The following RPS6KC1 variants were observed in gnomAD, a reference collection of about 807,000 sequenced individuals.
The protein encoded by RPS6KC1 is inactive ribosomal protein S6 kinase delta-1.
RPS6KC1 carries 54 observed loss-of-function variants against 103.8 expected under a neutral mutation model. The observed-to-expected ratio is 0.52, with a 90% CI of 0.42 to 0.65. RPS6KC1 has a LOEUF of 0.65. Among genes scored for constraint, RPS6KC1 ranks in the 30% least tolerant of loss-of-function variants. RPS6KC1 has a pLI of 0.00. For missense variants in RPS6KC1, 1,151 were observed against 1,253.8 expected (o/e 0.92, Z 1.24); for synonymous variants, 439 against 438.7 (o/e 1.00, Z -0.01).
the RPS6KC1 span, among the ~76,000 whole-genome samples, chr1:213,620,413 C>T: frequency 1.8e-4 from 27 of 152,320 alleles, no homozygotes; most frequent in African/African-American, 5.8e-4. Flanking sequence ...CTCACTGCCT[C>T]TCCATGTGGC....
the RPS6KC1 span, among the ~76,000 whole-genome samples, chr1:213,692,549 C>T: frequency 6.6e-6 from 1 of 152,142 alleles, no homozygotes; most frequent in African/African-American, 2.4e-5. Flanking sequence ...TACTTCTCCC[C>T]TGATTCTTCC....
downstream of RPS6KC1, among the ~76,000 whole-genome samples, chr1:213,278,863 A>G (rs2095117604): frequency 6.6e-6 from 1 of 152,004 alleles, no homozygotes; most frequent in South Asian, 2.1e-4. Context: ...AAGTGTAGAT[A>G]GGATTTTTAA....
intron 12 of RPS6KC1, among the ~76,000 whole-genome samples, chr1:213,257,074 C>G (rs903572875): frequency 1.3e-5 from 2 of 152,142 alleles, no homozygotes; most frequent in Admixed American, 1.3e-4. Context: ...AATACTCCAT[C>G]CCCTCCCCAC....
chr1:213,148,322 A>G (rs2088136677), intron 6 of RPS6KC1, among the ~76,000 whole-genome samples: 1 of 152,142 alleles, frequency 6.6e-6, no homozygotes, highest in Admixed American at 6.5e-5. Flanking sequence ...TCTGTCATAT[A>G]TGGCTTTTAT....
At position 213,136,390 on chromosome 1, in the gene RPS6KC1, T is replaced by A. The variant is rs141147011; in HGVS notation, c.835+6501T>A. 7.9e-5 allele frequency among the ~76,000 whole-genome samples: 12 copies of A among 152,232 alleles called. No homozygotes were observed. In the East Asian group the frequency reaches 2.3e-3, roughly 29 times the overall value. ...GTGGACAGAGCTATCCCTGATGCAC[T>A]GCATGAACTGAACGGCATAACCATG... On this transcript the variant is annotated intron_variant, in intron 6 of 14. Coordinates refer to ENST00000366960, the MANE Select transcript of RPS6KC1 (RefSeq NM_012424.6).
intron 3 of RPS6KC1, among the ~76,000 whole-genome samples, chr1:213,103,491 A>T (rs1257190517): frequency 6.6e-6 from 1 of 152,188 alleles, no homozygotes; most frequent in Non-Finnish European, 1.5e-5. Flanking sequence ...TAGAGGTAGT[A>T]TTTGAATTCA....
chr1:213,090,246 C>G (rs1317725070), intron 3 of RPS6KC1, among the ~76,000 whole-genome samples: 1 of 152,164 alleles, frequency 6.6e-6, no homozygotes, highest in East Asian at 1.9e-4. Context: ...AACCTACAGC[C>G]AGTATTTTTT....
the RPS6KC1 span, among the ~76,000 whole-genome samples, chr1:213,334,981 C>CT: frequency 2.0e-5 from 3 of 152,204 alleles, no homozygotes; most frequent in African/African-American, 7.2e-5. Flanking sequence ...TAAAGCCTCA[C>CT]TTGGAGATAA....
chr1:213,778,488 G>A, the RPS6KC1 span, among the ~76,000 whole-genome samples: 1 of 152,038 alleles, frequency 6.6e-6, no homozygotes, highest in Non-Finnish European at 1.5e-5. Context: ...TCTAAAAATT[G>A]GATTGAATCA....
the RPS6KC1 span, among the ~76,000 whole-genome samples, chr1:213,351,137 C>T: frequency 3.9e-5 from 6 of 152,140 alleles, no homozygotes; most frequent in Admixed American, 6.6e-5. Flanking sequence ...CCAAAATCCT[C>T]GTGGGCATTT....
At chr1:213,147,589 G>A (rs938590436) in intron 6 of RPS6KC1, among the ~76,000 whole-genome samples, 1 of 152,086 alleles carries the variant, frequency 6.6e-6, no homozygotes, top group Non-Finnish European at 1.5e-5. Flanking sequence ...TGCTGTTTTG[G>A]TTACAATGGC....
the RPS6KC1 span, chr1:213,818,438 G>A: frequency 1.3e-5 from 2 of 152,256 alleles, no homozygotes; most frequent in African/African-American, 4.8e-5. Flanking sequence ...GAAAGTGTTA[G>A]CGGTCTGGAT....
the RPS6KC1 span, among the ~76,000 whole-genome samples, chr1:213,397,547 G>T: frequency 2.0e-5 from 3 of 150,370 alleles, no homozygotes; most frequent in Non-Finnish European, 4.4e-5. Context: ...GGAATCTGGG[G>T]TGTGAGGGGT....
the RPS6KC1 span, among the ~76,000 whole-genome samples, chr1:213,829,646 T>C: frequency 1.5e-4 from 23 of 152,182 alleles, no homozygotes; most frequent in Non-Finnish European, 2.2e-4. Context: ...TGGTTTGTTG[T>C]ATCCAAGTAA....
chr1:213,712,035 A>T, the RPS6KC1 span, among the ~76,000 whole-genome samples: 2 of 152,190 alleles, frequency 1.3e-5, no homozygotes, highest in African/African-American at 4.8e-5. Context: ...AGCAGAGCTC[A>T]AGCGCTGTGC....
the RPS6KC1 span, among the ~76,000 whole-genome samples, chr1:213,838,487 CA>C: frequency 1.5e-4 from 23 of 151,396 alleles, no homozygotes; most frequent in Non-Finnish European, 5.9e-5. Flanking sequence ...GATCATGAGG[CA>C]AAAAGTAAGA....
the RPS6KC1 span, among the ~76,000 whole-genome samples, chr1:213,739,503 T>G: frequency 6.6e-6 from 1 of 152,058 alleles, no homozygotes; most frequent in African/African-American, 2.4e-5. Flanking sequence ...TATCAAAGAA[T>G]TAATACAAGA....
chr1:213,244,713 G>A (rs572178870), intron 12 of RPS6KC1, among the ~76,000 whole-genome samples: 2 of 151,950 alleles, frequency 1.3e-5, no homozygotes, highest in Admixed American at 1.3e-4. Flanking sequence ...AATACAGATC[G>A]GTTTCTAAGT....
chr1:213,548,675 A>G, the RPS6KC1 span, among the ~76,000 whole-genome samples: 1 of 152,222 alleles, frequency 6.6e-6, no homozygotes. Context: ...AAGAAAAAAG[A>G]AAAGCAAAGA....
Sources: gnomAD v4.1 joint callset for allele counts (sites outside exome capture counted in the v4.1 genomes callset) on GRCh38, gnomAD v4.1.1 for gene constraint, MANE v1.5 for transcripts, NCBI Gene and HGNC (gene_info 2026-07-23, HGNC 2026-07-21) for gene names.